PDE4D: variants seen among roughly 807,000 people sequenced by gnomAD.
PDE4D encodes phosphodiesterase 4D.
In PDE4D, 24 loss-of-function variants were observed where a neutral mutation model predicts 87.4. The ratio of observed to expected loss-of-function variants is 0.27; its 90% CI spans 0.20 to 0.39. The LOEUF is 0.39. Among genes scored for constraint, PDE4D ranks in the 10% least tolerant of loss-of-function variants. PDE4D has a pLI of 1.00. For missense variants in PDE4D, 714 were observed against 1,041.0 expected (o/e 0.69, Z 4.32); for synonymous variants, 384 against 383.2 (o/e 1.00, Z -0.02).
At chr5:59,909,239 C>A (rs1679010098) in intron 3 of PDE4D, among the ~76,000 whole-genome samples, 1 of 152,110 alleles carries the variant, frequency 6.6e-6, no homozygotes, top group African/African-American at 2.4e-5. Flanking sequence ...ATTGTGACAG[C>A]CTTCTAATTT....
chr5:59,738,804 C>G (rs1758444729), intron 1 of PDE4D, among the ~76,000 whole-genome samples: 2 of 151,614 alleles, frequency 1.3e-5, no homozygotes, highest in Non-Finnish European at 2.9e-5. Context: ...CATGTTCATT[C>G]TAAACACTAC....
At chr5:60,164,171 G>A (rs932012407) in intron 2 of PDE4D, among the ~76,000 whole-genome samples, 1 of 151,906 alleles carries the variant, frequency 6.6e-6, no homozygotes, top group Non-Finnish European at 1.5e-5. Flanking sequence ...CTCTCAATAT[G>A]ATGACAAATC....
At chr5:59,639,993 T>A (rs1050947411) in intron 1 of PDE4D, among the ~76,000 whole-genome samples, 1 of 152,028 alleles carries the variant, frequency 6.6e-6, no homozygotes, top group Non-Finnish European at 1.5e-5. Context: ...TGTCTTATTA[T>A]AAACAATACT....
chr5:59,996,674 TGCCC>T (rs1417562009), intron 2 of PDE4D, among the ~76,000 whole-genome samples: 2 of 152,178 alleles, frequency 1.3e-5, no homozygotes, highest in African/African-American at 2.4e-5. Context: ...ATGCTATTAT[TGCCC>T]AAATAACTTT....
chr5:60,084,736 G>C (rs973559553), intron 2 of PDE4D, among the ~76,000 whole-genome samples: 5 of 152,092 alleles, frequency 3.3e-5, no homozygotes, highest in South Asian at 2.1e-4. Context: ...ATAGTGACCC[G>C]CCTTGGTTAG....
At chr5:59,852,395 G>T (rs1043944331) in intron 1 of PDE4D, among the ~76,000 whole-genome samples, 1 of 152,004 alleles carries the variant, frequency 6.6e-6, no homozygotes, top group African/African-American at 2.4e-5. Flanking sequence ...TATGGATCAC[G>T]CACACTTTGT....
intron 1 of PDE4D, among the ~76,000 whole-genome samples, chr5:59,498,789 T>A (rs1807697467): frequency 1.3e-5 from 2 of 152,072 alleles, no homozygotes; most frequent in African/African-American, 4.8e-5. Flanking sequence ...AATAATTGCT[T>A]ATAGACCTAT....
intron 1 of PDE4D, among the ~76,000 whole-genome samples, chr5:59,466,415 T>C (rs953052869): frequency 1.3e-5 from 2 of 152,180 alleles, no homozygotes; most frequent in African/African-American, 2.4e-5. Flanking sequence ...CAAATTGTTT[T>C]CTGTGGTATG....
chr5:60,105,889 A>G (rs993117063), intron 2 of PDE4D, among the ~76,000 whole-genome samples: 14 of 152,296 alleles, frequency 9.2e-5, no homozygotes, highest in African/African-American at 3.1e-4. Flanking sequence ...ACCAGTACCA[A>G]CCACTGCAAA....
At chr5:60,100,101 G>GA (rs1776071620) in intron 2 of PDE4D, among the ~76,000 whole-genome samples, 1 of 151,784 alleles carries the variant, frequency 6.6e-6, no homozygotes, top group Non-Finnish European at 1.5e-5. Flanking sequence ...GCACTGATAT[G>GA]AAAAAAATCT....
chr5:59,762,066 T>G (rs1465625690), intron 1 of PDE4D, among the ~76,000 whole-genome samples: 1 of 152,042 alleles, frequency 6.6e-6, no homozygotes, highest in East Asian at 1.9e-4. Flanking sequence ...CTGTTACATG[T>G]GTGTACTGTT....
chr5:59,718,176 A>G (rs570746234), intron 1 of PDE4D, among the ~76,000 whole-genome samples: 1 of 152,222 alleles, frequency 6.6e-6, no homozygotes, highest in Admixed American at 6.5e-5. Context: ...CATTGTTTCC[A>G]TGTTTCTGAA....
intron 2 of PDE4D, among the ~76,000 whole-genome samples, chr5:60,042,486 G>T (rs540136213): frequency 6.6e-6 from 1 of 152,310 alleles, no homozygotes; most frequent in African/African-American, 2.4e-5. Flanking sequence ...CCTCACCCCC[G>T]TGCCTCCTGA....
chr5:59,975,561 A>G (rs189127117), intron 3 of PDE4D, among the ~76,000 whole-genome samples: 19 of 152,296 alleles, frequency 1.2e-4, no homozygotes, highest in Admixed American at 3.9e-4. Flanking sequence ...TCTTTCAAAT[A>G]CCTTCAAATC....
chr5:60,189,901 G>A (rs1785072080), intron 1 of PDE4D, among the ~76,000 whole-genome samples: 1 of 152,182 alleles, frequency 6.6e-6, no homozygotes, highest in South Asian at 2.1e-4. Context: ...AGTGATCAAG[G>A]TGTAATGGAT....
At chr5:59,164,586 G>C (rs549853361) in intron 5 of PDE4D, among the ~76,000 whole-genome samples, 1 of 152,244 alleles carries the variant, frequency 6.6e-6, no homozygotes, top group South Asian at 2.1e-4. Context: ...AGGATTCTCT[G>C]TATTGATTTA....
rs1048761232 is a variant in PDE4D at position 59,649,432 on chromosome 5, C to T, written c.455+243736G>A. ...GCAGGGCAGAGTGGTGAATGGCCTTCAAGATAAGGATAAGTAATTGAAATT... is the reference window on the plus strand; with the variant it reads ...GCAGGGCAGAGTGGTGAATGGCCTTTAAGATAAGGATAAGTAATTGAAATT... On this transcript the variant is annotated intron_variant, in intron 1 of 14. Coordinates refer to ENST00000340635, the MANE Select transcript of PDE4D (RefSeq NM_001104631.2). 2.0e-5 allele frequency among the ~76,000 whole-genome samples: 3 copies of T among 151,772 alleles called. No homozygotes were observed. The East Asian group carries it at 5.8e-4, about 29-fold the overall frequency.
chr5:59,275,440 A>C (rs550732597), intron 1 of PDE4D: 133 of 1,591,700 alleles, frequency 8.4e-5, no homozygotes, highest in Non-Finnish European at 1.1e-4. Context: ...GTCTTCAACT[A>C]TTCTGATTAA....
intron 1 of PDE4D, among the ~76,000 whole-genome samples, chr5:59,334,698 C>T (rs1466629648): frequency 6.6e-6 from 1 of 151,954 alleles, no homozygotes; most frequent in Non-Finnish European, 1.5e-5. Context: ...CATTGTTTTA[C>T]TTAGGTTTGT....
Sources: allele counts gnomAD v4.1 joint callset (sites outside exome capture counted in the v4.1 genomes callset), GRCh38; gene constraint gnomAD v4.1.1; transcripts MANE v1.5; gene names NCBI Gene and HGNC (gene_info 2026-07-23, HGNC 2026-07-21).